ANKS1B: variants seen among roughly 807,000 people sequenced by gnomAD.
ANKS1B encodes ankyrin repeat and sterile alpha motif domain-containing protein 1B.
ANKS1B carries 36 observed loss-of-function variants against 148.3 expected under a neutral mutation model. The ratio of observed to expected loss-of-function variants is 0.24; its 90% CI spans 0.19 to 0.32. ANKS1B has a LOEUF of 0.32. ANKS1B is among the 10% of genes least tolerant of loss of function. ANKS1B has a pLI of 1.00. For missense variants in ANKS1B, 1,157 were observed against 1,542.6 expected (o/e 0.75, Z 4.19); for synonymous variants, 542 against 560.8 (o/e 0.97, Z 0.47).
chr12:99,129,903 T>A (rs1236225437), intron 15 of ANKS1B, among the ~76,000 whole-genome samples: 4 of 152,232 alleles, frequency 2.6e-5, no homozygotes, highest in African/African-American at 4.8e-5. Context: ...TTTAAACTTA[T>A]CAGTGCACAA....
intron 12 of ANKS1B, among the ~76,000 whole-genome samples, chr12:99,394,807 G>A (rs1407822900): frequency 2.0e-5 from 3 of 152,006 alleles, no homozygotes; most frequent in Admixed American, 6.6e-5. Flanking sequence ...GTATAATGAC[G>A]ACGTTCACAT....
At chr12:99,667,300 G>A (rs948859403) in intron 8 of ANKS1B, among the ~76,000 whole-genome samples, 1 of 150,172 alleles carries the variant, frequency 6.7e-6, no homozygotes, top group Non-Finnish European at 1.5e-5. Flanking sequence ...AGTGAGCCGA[G>A]ATCATGCCAC....
At chr12:98,882,589 C>A (rs1297090053) in intron 17 of ANKS1B, among the ~76,000 whole-genome samples, 1 of 152,048 alleles carries the variant, frequency 6.6e-6, no homozygotes, top group Non-Finnish European at 1.5e-5. Context: ...CTCAAGAATG[C>A]ACAGTAAGTA....
At chr12:98,799,909 A>C (rs1273546162) in intron 21 of ANKS1B, among the ~76,000 whole-genome samples, 1 of 152,012 alleles carries the variant, frequency 6.6e-6, no homozygotes, top group Non-Finnish European at 1.5e-5. Context: ...GTGAATTACA[A>C]TAATTATTTT....
chr12:98,756,543 C>T (rs61933562), intron 25 of ANKS1B, among the ~76,000 whole-genome samples: 3,414 of 139,060 alleles, frequency 0.025, 69 homozygotes, highest in African/African-American at 0.056. Flanking sequence ...AAACCCCATC[C>T]CTACTAAAAA....
chr12:99,085,488 C>A, intron 15 of ANKS1B, among the ~76,000 whole-genome samples: 1 of 152,046 alleles, frequency 6.6e-6, no homozygotes, highest in Non-Finnish European at 1.5e-5. Flanking sequence ...ATTTTTCCCC[C>A]CTTGATGACA....
chr12:98,783,329 G>A (rs1273982338), intron 22 of ANKS1B, among the ~76,000 whole-genome samples: 10 of 152,210 alleles, frequency 6.6e-5, no homozygotes, highest in Non-Finnish European at 1.5e-4. Context: ...GAAAGATTCT[G>A]AGCTGTGTCT....
intron 9 of ANKS1B, among the ~76,000 whole-genome samples, chr12:99,515,802 T>C (rs2096813520): frequency 6.6e-6 from 1 of 152,144 alleles, no homozygotes; most frequent in East Asian, 1.9e-4. Flanking sequence ...GGTTCCCTTT[T>C]CTCCACATCC....
chr12:99,460,554 G>C (rs895716542), intron 10 of ANKS1B, among the ~76,000 whole-genome samples: 1 of 151,616 alleles, frequency 6.6e-6, no homozygotes, highest in Non-Finnish European at 1.5e-5. Context: ...ATATCAGCAA[G>C]AAAAAAACAG....
chr12:99,054,456 C>G (rs2099968270), intron 16 of ANKS1B, among the ~76,000 whole-genome samples: 1 of 152,128 alleles, frequency 6.6e-6, no homozygotes, highest in South Asian at 2.1e-4. Flanking sequence ...CTCCCTACTC[C>G]TTCATTTTAA....
chr12:99,919,779 T>TAA lies in ANKS1B; in HGVS notation c.134+64323_134+64324dup, dbSNP rs61076587. Among the ~76,000 whole-genome samples the TAA allele has an allele frequency of 7.3e-4, 98 of 134,492 alleles. 3 individuals carry two copies. The highest frequency in any genetic ancestry group is 1.0e-3 in the Non-Finnish European group (64 of 63,272). The allele number at this position is 134,492 out of a possible 152,430, so 88.2% of individuals were successfully genotyped here. A position where few individuals can be genotyped will look rare whatever the true frequency, so the allele number is the denominator to read the frequency against. Reference sequence around the variant, plus strand: ...CCCAAATTGAAATGTGCTGCAGAGTTAAAAAAAAAAAAAAACCTGGATTTC... The same window carrying TAA: ...CCCAAATTGAAATGTGCTGCAGAGTTAAAAAAAAAAAAAAAAACCTGGATTTC... On this transcript the variant is annotated intron_variant, in intron 1 of 26. Coordinates refer to ENST00000683438, the MANE Select transcript of ANKS1B (RefSeq NM_001352186.2).
chr12:99,521,247 T>C (rs2096872086), intron 9 of ANKS1B, among the ~76,000 whole-genome samples: 1 of 152,344 alleles, frequency 6.6e-6, no homozygotes, highest in East Asian at 1.9e-4. Context: ...AATTATTTCA[T>C]TCTCTTTGTT....
intron 10 of ANKS1B, among the ~76,000 whole-genome samples, chr12:99,481,221 T>C (rs2096405288): frequency 6.6e-6 from 1 of 151,792 alleles, no homozygotes; most frequent in African/African-American, 2.4e-5. Flanking sequence ...TATATCACTC[T>C]ATGATGCCTT....
chr12:99,445,585 G>A (rs575462547), intron 10 of ANKS1B, among the ~76,000 whole-genome samples: 68 of 152,082 alleles, frequency 4.5e-4, no homozygotes, highest in African/African-American at 1.6e-3. Context: ...TGATAGTAGA[G>A]GAGGCTTTGT....
At chr12:99,647,403 G>C (rs1355806098) in intron 9 of ANKS1B, among the ~76,000 whole-genome samples, 1 of 152,126 alleles carries the variant, frequency 6.6e-6, no homozygotes, top group African/African-American at 2.4e-5. Flanking sequence ...GTACCAATCT[G>C]TTTACCAATT....
At chr12:99,015,346 AC>A (rs2099941818) in intron 17 of ANKS1B, among the ~76,000 whole-genome samples, 1 of 152,050 alleles carries the variant, frequency 6.6e-6, no homozygotes, top group Non-Finnish European at 1.5e-5. Context: ...GACACAACAC[AC>A]ACTGGGGCCT....
intron 12 of ANKS1B, among the ~76,000 whole-genome samples, chr12:99,383,740 G>A (rs976512017): frequency 2.0e-5 from 3 of 151,794 alleles, no homozygotes; most frequent in Non-Finnish European, 2.9e-5. Flanking sequence ...TAGGCTGAGT[G>A]CAGTGCGCAT....
chr12:98,929,238 T>C (rs2099811680), intron 17 of ANKS1B, among the ~76,000 whole-genome samples: 1 of 152,038 alleles, frequency 6.6e-6, no homozygotes, highest in Non-Finnish European at 1.5e-5. Context: ...TGCAATACTT[T>C]CACACTGAAA....
chr12:99,320,331 A>G (rs564318428), intron 12 of ANKS1B, among the ~76,000 whole-genome samples: 1 of 152,330 alleles, frequency 6.6e-6, no homozygotes, highest in Admixed American at 6.5e-5. Flanking sequence ...TGGTACAACA[A>G]TCAGATGTAG....
Sources: allele counts gnomAD v4.1 joint callset (sites outside exome capture counted in the v4.1 genomes callset), GRCh38; gene constraint gnomAD v4.1.1; transcripts MANE v1.5; gene names NCBI Gene and HGNC (gene_info 2026-07-23, HGNC 2026-07-21).